BAIAP2L1: variants seen among roughly 807,000 people sequenced by gnomAD.
The protein encoded by BAIAP2L1 is BAR/IMD domain containing adaptor protein 2 like 1, also known as BAR/IMD domain-containing adapter protein 2-like 1.
In BAIAP2L1, 35 loss-of-function variants were observed where a neutral mutation model predicts 66.3. The observed-to-expected ratio is 0.53, with a 90% CI of 0.40 to 0.70. BAIAP2L1 has a LOEUF of 0.70. Ranked by LOEUF, BAIAP2L1 falls within the 30% of genes least tolerant of loss-of-function variation. The pLI is 0.00. For missense variants in BAIAP2L1, 622 were observed against 656.9 expected, an observed-to-expected ratio of 0.95 and a Z score of 0.58; for synonymous variants, 269 against 248.7, an observed-to-expected ratio of 1.08 and a Z score of -0.77.
At chr7:98,391,045 T>C (rs1365539708) in intron 1 of BAIAP2L1, among the ~76,000 whole-genome samples, 3 of 151,020 alleles carry the variant, frequency 2.0e-5, no homozygotes, top group African/African-American at 7.3e-5. Context: ...GGTTTCACCA[T>C]GTTGGCCAGG....
Position 98,339,022 on chromosome 7 carries a change from G to A in BAIAP2L1, c.214+16020C>T, listed in dbSNP as rs536139646. Among the ~76,000 whole-genome samples, 11 of 149,446 alleles carry A rather than the reference G, an allele frequency of 7.4e-5. No individual in the cohort carries two copies. The South Asian group carries it at 2.1e-3, about 29-fold the overall frequency. ...CAGGAGGCAGAGGTTGAGGTGAGGT[G>A]AGACTGTACCATTGCACTCCAGCCT... On this transcript the variant is annotated intron_variant, in intron 3 of 13. Coordinates refer to ENST00000005260, the MANE Select transcript of BAIAP2L1 (RefSeq NM_018842.5).
chr7:98,307,552 TAACTAAACTAG>T (rs1298610739), intron 10 of BAIAP2L1, 126 bp downstream of exon 10: 2 of 1,466,264 alleles, frequency 1.4e-6, no homozygotes, highest in Non-Finnish European at 1.8e-6. Context: ...TAACTTCAGT[TAACTAAACTAG>T]AACTAAACCA....
chr7:98,390,731 CA>C (rs143038894), intron 1 of BAIAP2L1, among the ~76,000 whole-genome samples: 1 of 148,216 alleles, frequency 6.7e-6, no homozygotes, highest in African/African-American at 2.5e-5. Flanking sequence ...GACTCTGTCT[CA>C]AAAAAAAACA....
chr7:98,347,202 C>T (rs1000269985), intron 3 of BAIAP2L1, among the ~76,000 whole-genome samples: 1 of 152,156 alleles, frequency 6.6e-6, no homozygotes, highest in East Asian at 1.9e-4. Flanking sequence ...CTATTTACAC[C>T]ACTCCTGGTA....
At chr7:98,343,323 C>T (rs1020087891) in intron 3 of BAIAP2L1, among the ~76,000 whole-genome samples, 7 of 151,002 alleles carry the variant, frequency 4.6e-5, no homozygotes, top group African/African-American at 1.2e-4. Flanking sequence ...TGGTGGCAGG[C>T]GCCAGTAGTC....
chr7:98,385,728 C>CTTTTTT, intron 1 of BAIAP2L1: 1 of 1,087,090 alleles, frequency 9.2e-7, no homozygotes. Flanking sequence ...ATCAACATTT[C>CTTTTTT]TTTTTTTTGT....
chr7:98,301,457 T>C (rs1321840174), intron 12 of BAIAP2L1, among the ~76,000 whole-genome samples: 2 of 146,376 alleles, frequency 1.4e-5, no homozygotes, highest in Non-Finnish European at 3.0e-5. Context: ...CTGAAAGCCT[T>C]CTAGCTTTTT....
intron 1 of BAIAP2L1, among the ~76,000 whole-genome samples, chr7:98,372,079 C>G (rs1320303769): frequency 2.0e-5 from 3 of 151,962 alleles, no homozygotes; most frequent in Non-Finnish European, 2.9e-5. Flanking sequence ...CAGGCGTGAG[C>G]CATCGCGCCC....
chr7:98,308,609 A>G, intron 9 of BAIAP2L1: 1 of 250,596 alleles, frequency 4.0e-6, no homozygotes, highest in Non-Finnish European at 8.1e-6. Flanking sequence ...TGTGCTGTTC[A>G]TGTCTCCATT....
At chr7:98,369,280 C>T (rs1039418598) in intron 1 of BAIAP2L1, among the ~76,000 whole-genome samples, 2 of 152,056 alleles carry the variant, frequency 1.3e-5, no homozygotes, top group Non-Finnish European at 2.9e-5. Flanking sequence ...CCCAGGAATT[C>T]GAGACTAGCC....
At chr7:98,319,713 AT>A (rs978481120) in intron 5 of BAIAP2L1, among the ~76,000 whole-genome samples, 2 of 151,004 alleles carry the variant, frequency 1.3e-5, no homozygotes, top group Non-Finnish European at 3.0e-5. Context: ...TGCTCAGCTA[AT>A]TTTTTTTTGT....
At chr7:98,340,383 G>A (rs1801712342) in intron 3 of BAIAP2L1, among the ~76,000 whole-genome samples, 1 of 152,162 alleles carries the variant, frequency 6.6e-6, no homozygotes, top group African/African-American at 2.4e-5. Context: ...TGCCTCCCGG[G>A]TTCACGCCAT....
At chr7:98,341,700 T>A (rs979301062) in intron 3 of BAIAP2L1, among the ~76,000 whole-genome samples, 9 of 152,016 alleles carry the variant, frequency 5.9e-5, no homozygotes, top group African/African-American at 2.2e-4. Flanking sequence ...AAAACGGAAA[T>A]AACAAGCATG....
At chr7:98,383,189 CAAAAA>C (rs138233070) in intron 1 of BAIAP2L1, among the ~76,000 whole-genome samples, 17 of 148,990 alleles carry the variant, frequency 1.1e-4, no homozygotes, top group Non-Finnish European at 1.8e-4. Context: ...AACAAACAAA[CAAAAA>C]AAAGAAAAGA....
chr7:98,392,514 G>A lies in BAIAP2L1; in HGVS notation c.51+8288C>T, dbSNP rs372527022. On this transcript the variant is annotated intron_variant, in intron 1 of 13. Transcript: ENST00000005260. ...TGACCCAGAGCTCCCTTCTGGGAATGTGGCTTAAGGAAAACATCATGGATC... is the reference window on the plus strand; with the variant it reads ...TGACCCAGAGCTCCCTTCTGGGAATATGGCTTAAGGAAAACATCATGGATC... 1.4e-3 allele frequency among the ~76,000 whole-genome samples: 214 copies of A among 152,298 alleles called. 3 individuals are homozygous for A. Among genetic ancestry groups the A allele is most frequent in the African/African-American group, 4.7e-3 (195 of 41,566 alleles).
chr7:98,311,520 G>A (rs1452139191), intron 8 of BAIAP2L1, among the ~76,000 whole-genome samples: 1 of 151,578 alleles, frequency 6.6e-6, no homozygotes, highest in African/African-American at 2.4e-5. Flanking sequence ...CAGCCTGAGT[G>A]ACAGAGCAAG....
intron 12 of BAIAP2L1, among the ~76,000 whole-genome samples, chr7:98,296,661 C>G (rs907673515): frequency 6.6e-6 from 1 of 152,146 alleles, no homozygotes; most frequent in East Asian, 1.9e-4. Flanking sequence ...AAAACAAAAA[C>G]AGAAACAACA....
At position 98,293,241 on chromosome 7, in the gene BAIAP2L1, A is replaced by G. The variant is rs1420103939; in HGVS notation, c.*280T>C. 6 of 362,108 alleles carry G rather than the reference A, an allele frequency of 1.7e-5. No homozygotes were observed. Among genetic ancestry groups the G allele is most frequent in the Non-Finnish European group, 3.0e-5 (6 of 200,812 alleles). 22.4% of individuals were successfully genotyped at this position (362,108 alleles called of 1,614,324 possible). ...AGGAAAAAATTCATTTAAAAAATAC[A>G]GTAAAGATTGAAACCAAGTTTACTG... On this transcript the variant is annotated 3_prime_UTR_variant, in exon 14 of 14. Transcript: ENST00000005260.
chr7:98,385,955 C>A (rs546668491), intron 1 of BAIAP2L1: 7 of 1,472,206 alleles, frequency 4.8e-6, no homozygotes, highest in Non-Finnish European at 6.6e-6. Flanking sequence ...ACTTTTCTAA[C>A]GAAGACATCA....
Sources: allele counts gnomAD v4.1 joint callset (sites outside exome capture counted in the v4.1 genomes callset), GRCh38; gene constraint gnomAD v4.1.1; transcripts MANE v1.5; gene names NCBI Gene and HGNC (gene_info 2026-07-23, HGNC 2026-07-21).